The following DAB1 variants were observed in gnomAD, a reference collection of about 807,000 sequenced individuals.
DAB1 encodes the protein DAB adaptor protein 1, also known as disabled homolog 1.
Under a neutral mutation model 64.6 loss-of-function variants are expected in DAB1, and 15 were observed. That is an observed-to-expected ratio of 0.23 (90% CI 0.16 to 0.36). The LOEUF (loss-of-function observed/expected upper bound fraction) is 0.36. Ranked by LOEUF, DAB1 falls within the 10% of genes least tolerant of loss-of-function variation. DAB1 has a pLI of 1.00. For missense variants in DAB1, 596 were observed against 706.7 expected (o/e 0.84, Z 1.78); for synonymous variants, 235 against 251.9 (o/e 0.93, Z 0.64).
At chr1:57,913,857 C>T (rs1201034246) in intron 5 of DAB1, among the ~76,000 whole-genome samples, 1 of 152,118 alleles carries the variant, frequency 6.6e-6, no homozygotes, top group Non-Finnish European at 1.5e-5. Context: ...CTCATCATCA[C>T]TGGCCATCAG....
At chr1:57,503,468 C>T (rs1644313234) in intron 7 of DAB1, among the ~76,000 whole-genome samples, 1 of 152,212 alleles carries the variant, frequency 6.6e-6, no homozygotes, top group Non-Finnish European at 1.5e-5. Context: ...TCATTTCACA[C>T]TTCCCATCTG....
chr1:57,072,241 G>C (rs1433630609), intron 5 of DAB1, 42 bp downstream of exon 5: 1 of 1,608,770 alleles, frequency 6.2e-7, no homozygotes, highest in Non-Finnish European at 8.5e-7. Context: ...TGTCCCCCCA[G>C]AGTTCCAAGG....
intron 3 of DAB1, among the ~76,000 whole-genome samples, chr1:58,486,060 T>C (rs1281460006): frequency 6.6e-6 from 1 of 152,250 alleles, no homozygotes; most frequent in Admixed American, 6.5e-5. Context: ...GTTCACTTTC[T>C]ATGTGCCTTT....
At chr1:58,027,482 C>T (rs1048846841) in intron 5 of DAB1, among the ~76,000 whole-genome samples, 2 of 152,024 alleles carry the variant, frequency 1.3e-5, no homozygotes, top group African/African-American at 4.8e-5. Context: ...AGTGTCCTCA[C>T]CTAGATAAAT....
intron 6 of DAB1, among the ~76,000 whole-genome samples, chr1:57,779,263 C>T (rs1287276190): frequency 6.6e-6 from 1 of 151,910 alleles, no homozygotes; most frequent in Non-Finnish European, 1.5e-5. Flanking sequence ...GCATTTCATG[C>T]AGAAGAATCA....
chr1:58,265,824 A>C (rs574880226), intron 4 of DAB1, among the ~76,000 whole-genome samples: 1 of 152,338 alleles, frequency 6.6e-6, no homozygotes, highest in South Asian at 2.1e-4. Flanking sequence ...CTACTGTTGA[A>C]GGATAATAAA....
chr1:58,434,567 G>A (rs1644920697), intron 3 of DAB1, among the ~76,000 whole-genome samples: 1 of 152,186 alleles, frequency 6.6e-6, no homozygotes, highest in Admixed American at 6.5e-5. Context: ...GGATATCTAT[G>A]AGTCTTGGGT....
At chr1:57,767,144 TC>T (rs1649347958) in intron 6 of DAB1, among the ~76,000 whole-genome samples, 1 of 151,970 alleles carries the variant, frequency 6.6e-6, no homozygotes, top group African/African-American at 2.4e-5. Flanking sequence ...TCACAAATCT[TC>T]CTACCTCCAC....
chr1:57,227,523 G>GTC (rs1458343393), intron 2 of DAB1, among the ~76,000 whole-genome samples: 1 of 114,036 alleles, frequency 8.8e-6, no homozygotes. Context: ...TTTCTTTTGT[G>GTC]TGTGTGTGTG....
intron 7 of DAB1, among the ~76,000 whole-genome samples, chr1:57,493,751 AC>A: frequency 1.5e-5 from 2 of 136,624 alleles, no homozygotes; most frequent in East Asian, 4.1e-4. Flanking sequence ...AGGCAGGCTG[AC>A]GTATTCACAG....
chr1:57,193,937 G>C (rs688379), intron 2 of DAB1, among the ~76,000 whole-genome samples: 29,790 of 152,010 alleles, frequency 0.2, 5,122 homozygotes, highest in African/African-American at 0.45. Flanking sequence ...CTGCAAAATG[G>C]GTATAACAGT....
chr1:57,972,501 C>T (rs2100312286), intron 5 of DAB1, among the ~76,000 whole-genome samples: 1 of 152,290 alleles, frequency 6.6e-6, no homozygotes, highest in Non-Finnish European at 1.5e-5. Flanking sequence ...CCTCAGCCTC[C>T]CCAAGTGCTG....
At chr1:58,178,344 G>A (rs1435106088) in intron 4 of DAB1, among the ~76,000 whole-genome samples, 2 of 152,046 alleles carry the variant, frequency 1.3e-5, no homozygotes, top group South Asian at 2.1e-4. Flanking sequence ...GCACATATAC[G>A]CTATTATGGG....
At chr1:57,182,283 A>G (rs1218793886) in intron 2 of DAB1, among the ~76,000 whole-genome samples, 1 of 152,236 alleles carries the variant, frequency 6.6e-6, no homozygotes, top group Non-Finnish European at 1.5e-5. Context: ...AATAGCAGCT[A>G]TCAATTACTA....
chr1:57,066,954 T>C (rs1170993574), intron 8 of DAB1, among the ~76,000 whole-genome samples: 1 of 152,002 alleles, frequency 6.6e-6, no homozygotes, highest in Non-Finnish European at 1.5e-5. Flanking sequence ...TGGGCCAAGC[T>C]GAAGTACTAA....
chr1:58,046,348 C>A (rs1043982064), intron 5 of DAB1, among the ~76,000 whole-genome samples: 17 of 152,190 alleles, frequency 1.1e-4, no homozygotes, highest in Admixed American at 1.0e-3. Context: ...GACATCACGG[C>A]AATTGAAATG....
chr1:57,358,222 G>T (rs1325838249), intron 1 of DAB1, among the ~76,000 whole-genome samples: 1 of 151,972 alleles, frequency 6.6e-6, no homozygotes, highest in Non-Finnish European at 1.5e-5. Context: ...TTCTTGTCTT[G>T]TTCCAAATCT....
intron 4 of DAB1, among the ~76,000 whole-genome samples, chr1:58,336,324 T>G (rs2100500170): frequency 6.6e-6 from 1 of 152,332 alleles, no homozygotes; most frequent in Non-Finnish European, 1.5e-5. Context: ...GGTTCTGATC[T>G]CAAAAGAAAG....
chr1:58,202,153 C>CA (rs900998258), intron 4 of DAB1, among the ~76,000 whole-genome samples: 7 of 151,552 alleles, frequency 4.6e-5, no homozygotes, highest in African/African-American at 1.2e-4. Context: ...GCTTTAAAGA[C>CA]AAAAAAAAGA....
Sources: allele counts gnomAD v4.1 joint callset (sites outside exome capture counted in the v4.1 genomes callset), GRCh38; gene constraint gnomAD v4.1.1; transcripts MANE v1.5; gene names NCBI Gene and HGNC (gene_info 2026-07-23, HGNC 2026-07-21).